The following CCDC91 variants were observed in gnomAD, a reference collection of about 807,000 sequenced individuals.
CCDC91 encodes coiled-coil domain containing 91.
In CCDC91, 48 loss-of-function variants were observed where a neutral mutation model predicts 63.2. The ratio of observed to expected loss-of-function variants is 0.76; its 90% CI spans 0.60 to 0.97. The LOEUF is 0.97. Among genes scored for constraint, CCDC91 ranks in the 50% least tolerant of loss-of-function variants. The probability of loss-of-function intolerance (pLI) is 0.00; values close to 1 mark genes in which losing one functional copy is unlikely to be tolerated. For synonymous variants in CCDC91, 167 were observed against 165.8 expected, an observed-to-expected ratio of 1.01 and a Z score of -0.06; for missense variants, 500 against 494.6, an observed-to-expected ratio of 1.01 and a Z score of -0.10.
intron 6 of CCDC91, among the ~76,000 whole-genome samples, chr12:28,338,258 CT>C (rs71039893): frequency 2.8e-5 from 4 of 143,810 alleles, no homozygotes; most frequent in African/African-American, 7.7e-5. Flanking sequence ...CCTTATGGAT[CT>C]TTTTTTTTTT....
chr12:28,418,548 A>C (rs954470590), intron 8 of CCDC91, among the ~76,000 whole-genome samples: 2 of 152,098 alleles, frequency 1.3e-5, no homozygotes, highest in Admixed American at 1.3e-4. Context: ...AATGTGCCTT[A>C]ATTGGGATAT....
intron 8 of CCDC91, among the ~76,000 whole-genome samples, chr12:28,424,287 T>G (rs1436632849): frequency 6.6e-6 from 1 of 152,160 alleles, no homozygotes; most frequent in East Asian, 1.9e-4. Flanking sequence ...TTTTTCCAAA[T>G]TGAAGAATCC....
chr12:28,298,863 T>G (rs1937729157), intron 3 of CCDC91, among the ~76,000 whole-genome samples: 1 of 151,374 alleles, frequency 6.6e-6, no homozygotes, highest in African/African-American at 2.4e-5. Context: ...GGATTTATAT[T>G]TTTAACCCAA....
chr12:28,380,501 A>G (rs1945233784), intron 7 of CCDC91, among the ~76,000 whole-genome samples: 2 of 152,088 alleles, frequency 1.3e-5, no homozygotes, highest in South Asian at 4.1e-4. Context: ...GTCTCATTCT[A>G]TCAGAATATT....
chr12:28,249,290 T>C (rs1458163506), intron 1 of CCDC91, among the ~76,000 whole-genome samples: 1 of 152,120 alleles, frequency 6.6e-6, no homozygotes, highest in Non-Finnish European at 1.5e-5. Flanking sequence ...GACAGGTAAT[T>C]GGATATTATT....
chr12:28,194,113 C>T (rs1413887909), intron 1 of CCDC91, among the ~76,000 whole-genome samples: 1 of 149,248 alleles, frequency 6.7e-6, no homozygotes, highest in African/African-American at 2.5e-5. Flanking sequence ...GAAATTTTGC[C>T]TAATCCAACG....
intron 11 of CCDC91, among the ~76,000 whole-genome samples, chr12:28,469,761 T>C (rs1239866409): frequency 6.6e-6 from 1 of 152,000 alleles, no homozygotes; most frequent in African/African-American, 2.4e-5. Context: ...TGGAACAGAA[T>C]AGAGAACCCA....
At chr12:28,511,093 C>G (rs1458238390) in intron 12 of CCDC91, among the ~76,000 whole-genome samples, 1 of 151,788 alleles carries the variant, frequency 6.6e-6, no homozygotes, top group Non-Finnish European at 1.5e-5. Context: ...TCACTGTATC[C>G]CCTGTAGCCC....
chr12:28,502,217 A>G (rs1938002081), intron 12 of CCDC91, among the ~76,000 whole-genome samples: 1 of 151,980 alleles, frequency 6.6e-6, no homozygotes, highest in Admixed American at 6.6e-5. Flanking sequence ...TTAAGCTGAT[A>G]AGCAACTTCA....
intron 8 of CCDC91, among the ~76,000 whole-genome samples, chr12:28,392,690 C>G (rs1279745259): frequency 1.3e-5 from 2 of 152,170 alleles, no homozygotes; most frequent in African/African-American, 4.8e-5. Context: ...GTCAAAGTCT[C>G]TATCTCACAG....
At chr12:28,507,317 G>A (rs1258899124) in intron 12 of CCDC91, among the ~76,000 whole-genome samples, 4 of 151,996 alleles carry the variant, frequency 2.6e-5, no homozygotes, top group African/African-American at 9.6e-5. Context: ...TGACATTTTG[G>A]ACCAGATAAT....
intron 6 of CCDC91, among the ~76,000 whole-genome samples, chr12:28,337,661 A>G (rs930936507): frequency 2.0e-5 from 3 of 152,048 alleles, no homozygotes; most frequent in Admixed American, 1.3e-4. Flanking sequence ...ATACTCATCT[A>G]TTGATCCACT....
At chr12:28,330,921 T>C (rs1941449172) in intron 6 of CCDC91, among the ~76,000 whole-genome samples, 1 of 152,186 alleles carries the variant, frequency 6.6e-6, no homozygotes, top group South Asian at 2.1e-4. Context: ...CCCTCAGATA[T>C]TGGAGAAAGC....
intron 1 of CCDC91, among the ~76,000 whole-genome samples, chr12:28,205,571 G>C (rs10843133): frequency 0.26 from 39,709 of 152,096 alleles, 5,459 homozygotes; most frequent in Non-Finnish European, 0.31. Context: ...CAAAGAGACT[G>C]TATTGCAGCC....
At chr12:28,203,043 G>A (rs1255937125) in intron 1 of CCDC91, among the ~76,000 whole-genome samples, 2 of 152,212 alleles carry the variant, frequency 1.3e-5, no homozygotes, top group Non-Finnish European at 2.9e-5. Flanking sequence ...CAATTTCTGG[G>A]AATGGGGTTT....
chr12:28,448,889 C>G (rs1949665794), intron 8 of CCDC91, among the ~76,000 whole-genome samples: 3 of 151,852 alleles, frequency 2.0e-5, no homozygotes, highest in Non-Finnish European at 4.4e-5. Context: ...GTTTCTGATC[C>G]TATGAAATTC....
chr12:28,394,069 A>G (rs985260486), intron 8 of CCDC91, among the ~76,000 whole-genome samples: 3 of 152,222 alleles, frequency 2.0e-5, no homozygotes, highest in Non-Finnish European at 2.9e-5. Context: ...AACGAAATGG[A>G]AAGATATCCC....
chr12:28,373,786 C>T (rs58814227), intron 7 of CCDC91, among the ~76,000 whole-genome samples: 3,805 of 152,176 alleles, frequency 0.025, 80 homozygotes, highest in South Asian at 0.04. Flanking sequence ...GACAGGGACT[C>T]AGTGGGATGT....
chr12:28,273,111 T>C (rs1947899878), intron 3 of CCDC91, among the ~76,000 whole-genome samples: 1 of 151,830 alleles, frequency 6.6e-6, no homozygotes, highest in Non-Finnish European at 1.5e-5. Context: ...GTCCTTCTGA[T>C]AGTTTGCTGA....
Sources: allele counts gnomAD v4.1 joint callset (sites outside exome capture counted in the v4.1 genomes callset), GRCh38; gene constraint gnomAD v4.1.1; transcripts MANE v1.5; gene names NCBI Gene and HGNC (gene_info 2026-07-23, HGNC 2026-07-21).